ERAL1: variants seen among roughly 807,000 people sequenced by gnomAD.
ERAL1 encodes Era like 12S mitochondrial rRNA chaperone 1.
Under a neutral mutation model 53.6 loss-of-function variants are expected in ERAL1, and 36 were observed. That is an observed-to-expected ratio of 0.67 (90% CI 0.51 to 0.89). The LOEUF (loss-of-function observed/expected upper bound fraction) is 0.89, where lower values mean the gene tolerates loss of function less well. Ranked by LOEUF, ERAL1 falls within the 40% of genes least tolerant of loss-of-function variation. The pLI is 0.00. For synonymous variants in ERAL1, 215 were observed against 211.8 expected (o/e 1.02, Z -0.13); for missense variants, 512 against 537.5 (o/e 0.95, Z 0.47).
chr17:28,856,176 CT>C, intron 1 of ERAL1, 87 bp from the exon 2 acceptor site: 1 of 1,548,100 alleles, frequency 6.5e-7, no homozygotes, highest in Non-Finnish European at 8.8e-7. Flanking sequence ...TTTTGTACCC[CT>C]GCTCCCTTTG....
intron 3 of ERAL1, among the ~76,000 whole-genome samples, chr17:28,857,118 T>TC (rs567599098): frequency 1.3e-5 from 2 of 151,582 alleles, no homozygotes; most frequent in South Asian, 4.2e-4. Flanking sequence ...TCTTTTTTTT[T>TC]TTTTTTGAGA....
chr17:28,858,560 C>A lies in ERAL1; in HGVS notation c.712-16C>A. On this transcript the variant is annotated splice_polypyrimidine_tract_variant and intron_variant, in intron 6 of 9. Transcript: ENST00000254928. ...TATCTCTGACCACACACCCTTTGCC[C>A]ATCCCCCATGTCCAGGTAGATTGTT... The A allele has an allele frequency of 6.2e-7, 1 of 1,614,146 alleles. No individual in the cohort carries two copies. Among genetic ancestry groups the A allele is most frequent in the Non-Finnish European group, 8.5e-7 (1 of 1,180,006 alleles).
rs373235611 is a variant in ERAL1 at position 28,855,053 on chromosome 17, C to A, written c.19C>A (p.Arg7Ser). 6.3e-7 allele frequency: 1 copy of A among 1,595,054 alleles called. No homozygotes were observed. Among genetic ancestry groups the A allele is most frequent in the Non-Finnish European group, 8.6e-7 (1 of 1,168,074 alleles). Residue 7 changes from arginine to serine, a missense_variant, in exon 1 of 10, where the codon CGC becomes AGC. Arg to Ser is a moderately radical substitution (Grantham distance 110). Coordinates refer to ENST00000254928, the MANE Select transcript of ERAL1 (RefSeq NM_005702.4). Reference sequence around the variant, plus strand: ...GGCTGTAATGGCTGCCCCCAGCTGGCGCGGGGCTAGGCTTGTTCAATCGGT... The same window carrying A: ...GGCTGTAATGGCTGCCCCCAGCTGGAGCGGGGCTAGGCTTGTTCAATCGGT... MAAPSW[R>S]GARLVQSVLR... is the part of the protein sequence containing the mutation.
chr17:28,856,625 G>A, intron 3 of ERAL1, 43 bp downstream of exon 3: 1 of 1,563,538 alleles, frequency 6.4e-7, no homozygotes, highest in Non-Finnish European at 8.8e-7. Flanking sequence ...GACAGAGGGT[G>A]AAGCTAAGAG....
Position 28,859,092 on chromosome 17 carries a change from G to A in ERAL1, c.1089G>A (p.Glu363=), listed in dbSNP as rs777772935. The change falls in exon 8 of 10, where the codon GAG becomes GAA. Residue 363 remains glutamate (E), a synonymous_variant. Transcript: ENST00000254928. ...AGCTCCTAGAACACCTGCCCCAGGA[G>A]GTGCCTTACAATGTACAGCAGGTAC... ...REKLLEHLPQ[E]VPYNVQQKTA... 2 of 1,614,162 alleles carry A rather than the reference G, an allele frequency of 1.2e-6. No homozygotes were observed. The highest frequency in any genetic ancestry group is 1.7e-6 in the Non-Finnish European group (2 of 1,180,024).
chr17:28,855,575 G>A (rs985153660), intron 1 of ERAL1, among the ~76,000 whole-genome samples: 5 of 152,206 alleles, frequency 3.3e-5, no homozygotes, highest in Admixed American at 2.6e-4. Context: ...CCCCGACATG[G>A]GAAGCAAATT....
rs1274725915 is a variant in ERAL1, at chr17:28,858,724, A to G, written c.860A>G (p.Asn287Ser). 6.2e-7 allele frequency: 1 copy of G among 1,614,064 alleles called. No individual in the cohort carries two copies. Among genetic ancestry groups the G allele is most frequent in the East Asian group, 2.2e-5 (1 of 44,902 alleles). Residue 287 changes from asparagine (N) to serine (S), a missense_variant, in exon 7 of 10, where the codon AAC becomes AGC. By Grantham distance (46) the Asn-to-Ser change is conservative. Coordinates refer to ENST00000254928, the MANE Select transcript of ERAL1 (RefSeq NM_005702.4). ...HCPSPAVKDPNTQSVGNPQRI... is the reference protein window; with the variant it reads ...HCPSPAVKDPSTQSVGNPQRI... ...CCCAGCCCAGCAGTTAAGGACCCAA[A>G]CACACAATCTGTGGGAAATCCTCAG...
chr17:28,859,134 G>C (rs780488788), intron 8 of ERAL1, 21 bp downstream of exon 8: 6 of 1,614,144 alleles, frequency 3.7e-6, no homozygotes, highest in Non-Finnish European at 5.1e-6. Context: ...AAGGGTTCTG[G>C]GGGCTCTCTA....
At chr17:28,855,919 T>G (rs1208823191) in intron 1 of ERAL1, among the ~76,000 whole-genome samples, 1 of 152,134 alleles carries the variant, frequency 6.6e-6, no homozygotes, top group Non-Finnish European at 1.5e-5. Flanking sequence ...GTACATTCAC[T>G]TCTCAGGCAC....
At chr17:28,856,144 T>A in intron 1 of ERAL1, 120 bp from the exon 2 acceptor site, 1 of 1,189,212 alleles carries the variant, frequency 8.4e-7, no homozygotes, top group Non-Finnish European at 1.2e-6. Context: ...CAGCTCTAGG[T>A]GACTTCAACC....
In ERAL1 at chr17:28,858,596, G is replaced by T. The variant is rs1302630578; in HGVS notation, c.732G>T (p.Lys244Asn). ...VMNKVDCLKQ[K>N]SVLLELTAAL... ...TCCAGGTAGATTGTTTGAAGCAGAA[G>T]TCAGTTCTCCTGGAGCTCACGGCAG... The change falls in exon 7 of 10, where the codon AAG becomes AAT. Residue 244 changes from lysine to asparagine, a missense_variant. Lys to Asn is a moderately conservative substitution (Grantham distance 94, BLOSUM62 0). Transcript: ENST00000254928. 3 of 1,614,068 alleles carry T rather than the reference G, an allele frequency of 1.9e-6. No homozygotes were observed. The highest frequency in any genetic ancestry group is 2.5e-6 in the Non-Finnish European group (3 of 1,180,050).
At chr17:28,860,284 CT>C in intron 9 of ERAL1, 146 bp from the exon 10 acceptor site, 72 of 895,534 alleles carry the variant, frequency 8.0e-5, no homozygotes, top group Middle Eastern at 3.3e-4. Context: ...GCCACCCTCT[CT>C]TTTTTTTAAA....
chr17:28,860,410 T>G (rs2039293304), intron 9 of ERAL1, 21 bp from the exon 10 acceptor site: 1 of 1,609,844 alleles, frequency 6.2e-7, no homozygotes, highest in African/African-American at 1.3e-5. Flanking sequence ...CCTGGCTTCC[T>G]TCTCTTTCAC....
At position 28,858,706 on chromosome 17, in the gene ERAL1, C is replaced by T; in HGVS notation, c.842C>T (p.Pro281Leu). 1 of 1,614,198 alleles carries T rather than the reference C, an allele frequency of 6.2e-7. No homozygotes were observed. Among genetic ancestry groups the T allele is most frequent in the Non-Finnish European group, 8.5e-7 (1 of 1,180,042 alleles). The change falls in exon 7 of 10, where the codon CCA (proline) becomes CTA (leucine). Residue 281 changes from proline to leucine, a missense_variant. Coordinates refer to ENST00000254928, the MANE Select transcript of ERAL1 (RefSeq NM_005702.4). ...CACCCTGGCACCCATTGCCCCAGCC[C>T]AGCAGTTAAGGACCCAAACACACAA... ...HSHPGTHCPS[P>L]AVKDPNTQSV...
chr17:28,857,109 C>CT (rs1250044923), intron 3 of ERAL1, among the ~76,000 whole-genome samples: 4,933 of 139,008 alleles, frequency 0.035, 127 homozygotes, highest in Non-Finnish European at 0.052. Context: ...CTCTCGCTCT[C>CT]TTTTTTTTTT....
intron 9 of ERAL1, among the ~76,000 whole-genome samples, 153 bp downstream of exon 9, chr17:28,859,436 T>C (rs529817041): frequency 5.7e-4 from 87 of 152,200 alleles, no homozygotes; most frequent in Non-Finnish European, 5.7e-4. Context: ...TCACCCAGGC[T>C]GGAGTGCAGT....
chr17:28,855,036 TG>T lies in ERAL1; in HGVS notation c.4del (p.Ala2?). On this transcript the variant is annotated frameshift_variant and start_lost, in exon 1 of 10. Coordinates refer to ENST00000254928, the MANE Select transcript of ERAL1 (RefSeq NM_005702.4). LOFTEE classifies it high-confidence loss of function. ...TTCCCGCAGTGCCTTGCGGCTGTAA[TG>T]GCTGCCCCCAGCTGGCGCGGGGCTA... [M>X]AAPSWRGARL... is the part of the protein sequence containing the mutation. 6.3e-7 allele frequency: 1 copy of T among 1,587,482 alleles called. No homozygotes were observed. Among genetic ancestry groups the T allele is most frequent in the Non-Finnish European group, 8.6e-7 (1 of 1,163,934 alleles).
At position 28,858,773 on chromosome 17, in the gene ERAL1, G is replaced by T. The variant is rs1315386269; in HGVS notation, c.909G>T (p.Lys303Asn). The T allele has an allele frequency of 6.2e-7, 1 of 1,614,194 alleles. No individual in the cohort carries two copies. Reference sequence around the variant, plus strand: ...AGAGGATTGGCTGGCCCCACTTCAAGGAGATCTTCATGTTGTCAGCCCTAA... The same window carrying T: ...AGAGGATTGGCTGGCCCCACTTCAATGAGATCTTCATGTTGTCAGCCCTAA... ...NPQRIGWPHF[K>N]EIFMLSALSQ... is the part of the protein sequence containing the mutation. The change falls in exon 7 of 10, where the codon AAG becomes AAT. Residue 303 changes from lysine (K) to asparagine (N), a missense_variant. Lys to Asn is a moderately conservative substitution (Grantham distance 94, BLOSUM62 0). Transcript: ENST00000254928.
chr17:28,855,068 G>A lies in ERAL1; in HGVS notation c.34G>A (p.Val12Ile). 2 of 1,611,988 alleles carry A rather than the reference G, an allele frequency of 1.2e-6. No individual in the cohort carries two copies. Among genetic ancestry groups the A allele is most frequent in the Non-Finnish European group, 1.7e-6 (2 of 1,178,514 alleles). Reference sequence around the variant, plus strand: ...CCCCAGCTGGCGCGGGGCTAGGCTTGTTCAATCGGTGTTAAGAGTCTGGCA... The same window carrying A: ...CCCCAGCTGGCGCGGGGCTAGGCTTATTCAATCGGTGTTAAGAGTCTGGCA... ...AAPSWRGARL[V>I]QSVLRVWQVG... The change falls in exon 1 of 10, where the codon GTT (valine) becomes ATT (isoleucine). Residue 12 changes from valine (V) to isoleucine (I), a missense_variant. Physicochemically the swap from Val to Ile is conservative, Grantham distance 29. Transcript: ENST00000254928.
Sources: gnomAD v4.1 joint callset for allele counts (sites outside exome capture counted in the v4.1 genomes callset) on GRCh38, gnomAD v4.1.1 for gene constraint, MANE v1.5 for transcripts, NCBI Gene and HGNC (gene_info 2026-07-23, HGNC 2026-07-21) for gene names.